The following TAFA2 variants were observed in gnomAD, a reference collection of about 807,000 sequenced individuals.
TAFA2 encodes chemokine-like protein TAFA-2.
A neutral mutation model predicts 18.8 loss-of-function variants in TAFA2; 7 were observed. The observed-to-expected ratio is 0.37, with a 90% confidence interval of 0.21 to 0.70. TAFA2 has a LOEUF of 0.70. Ranked by LOEUF, TAFA2 falls within the 30% of genes least tolerant of loss-of-function variation. The probability of loss-of-function intolerance (pLI) is 0.53; values close to 1 mark genes in which losing one functional copy is unlikely to be tolerated. For synonymous variants in TAFA2, 60 were observed against 54.2 expected (o/e 1.11, Z -0.47); for missense variants, 122 against 158.1 (o/e 0.77, Z 1.23).
At chr12:61,845,855 A>T (rs141373174) in intron 2 of TAFA2, among the ~76,000 whole-genome samples, 386 of 152,304 alleles carry the variant, frequency 2.5e-3, no homozygotes, top group Non-Finnish European at 3.6e-3. Flanking sequence ...GTGTCCAAAC[A>T]TACCATATGG....
intron 2 of TAFA2, among the ~76,000 whole-genome samples, chr12:61,788,467 T>C (rs546625054): frequency 2.0e-4 from 30 of 151,794 alleles, no homozygotes; most frequent in Middle Eastern, 3.4e-3. Context: ...ACAAAATAAA[T>C]CTTAATAAAT....
chr12:61,897,305 C>A (rs994001586), intron 1 of TAFA2, among the ~76,000 whole-genome samples: 7 of 152,094 alleles, frequency 4.6e-5, no homozygotes, highest in African/African-American at 1.4e-4. Context: ...ATACTATGTG[C>A]AATTTCCTGA....
chr12:62,115,465 T>C (rs761338617), intron 1 of TAFA2, among the ~76,000 whole-genome samples: 10 of 152,186 alleles, frequency 6.6e-5, no homozygotes, highest in African/African-American at 2.4e-4. Context: ...TTGTTAGCAG[T>C]GCACATCATG....
At position 61,777,409 on chromosome 12, in the gene TAFA2, T is replaced by C. The variant is rs372710209; in HGVS notation, c.107-22385A>G. Among the ~76,000 whole-genome samples, 5 of 151,858 alleles carry C rather than the reference T, an allele frequency of 3.3e-5. No homozygotes were observed. The East Asian group carries it at 7.8e-4, about 24-fold the overall frequency. ...GACAGTACTCAGTGATAACTGGCTA[T>C]TATTATTATCATTATTATAAATTCA... is the stretch of plus-strand genomic sequence containing the variant. On this transcript the variant is annotated intron_variant, in intron 2 of 4. Coordinates refer to ENST00000416284, the MANE Select transcript of TAFA2 (RefSeq NM_178539.5).
intron 1 of TAFA2, among the ~76,000 whole-genome samples, chr12:61,994,746 G>A (rs1037560328): frequency 5.3e-4 from 80 of 151,690 alleles, no homozygotes; most frequent in African/African-American, 1.9e-3. Context: ...ATCTCCCTTC[G>A]TTTCCGTATC....
chr12:62,133,490 A>C (rs2136897434), intron 1 of TAFA2, among the ~76,000 whole-genome samples: 1 of 150,324 alleles, frequency 6.7e-6, no homozygotes, highest in East Asian at 2.0e-4. Flanking sequence ...AAAGAACTAA[A>C]AGAAGGGTAG....
At chr12:61,899,919 C>T (rs1483914721) in intron 1 of TAFA2, among the ~76,000 whole-genome samples, 1 of 152,136 alleles carries the variant, frequency 6.6e-6, no homozygotes. Flanking sequence ...TAGGCAAATA[C>T]TACAGCCATT....
intron 1 of TAFA2, among the ~76,000 whole-genome samples, chr12:62,202,377 C>T (rs888199375): frequency 3.3e-5 from 5 of 151,348 alleles, no homozygotes; most frequent in East Asian, 3.9e-4. Context: ...GACAGAGTCT[C>T]GCTCTGTGGC....
At chr12:61,987,925 T>C (rs1010494017) in intron 1 of TAFA2, among the ~76,000 whole-genome samples, 1 of 152,206 alleles carries the variant, frequency 6.6e-6, no homozygotes, top group African/African-American at 2.4e-5. Flanking sequence ...ATAAATTTCT[T>C]GGAGGCTTAA....
At chr12:62,255,153 C>T (rs1175675724) in intron 1 of TAFA2, 1 of 152,132 alleles carries the variant, frequency 6.6e-6, no homozygotes, top group African/African-American at 2.4e-5. Flanking sequence ...AAAAGATCAG[C>T]ATATTTTTAA....
In TAFA2 at chr12:62,000,399, G is replaced by A. The variant is rs1418756916; in HGVS notation, c.-1-132973C>T. On this transcript the variant is annotated intron_variant, in intron 1 of 4. Coordinates refer to ENST00000416284, the MANE Select transcript of TAFA2 (RefSeq NM_178539.5). ...CTGTGAACTAGATTCCATACCAAAT[G>A]TTGGCAAGGATGTGGAGTACATGGA... 1.4e-5 allele frequency among the ~76,000 whole-genome samples: 2 copies of A among 146,296 alleles called. 1 individual carries two copies. The highest frequency in any genetic ancestry group is 4.9e-5 in the African/African-American group (2 of 40,644).
intron 1 of TAFA2, among the ~76,000 whole-genome samples, chr12:61,887,175 T>C (rs1875420627): frequency 6.6e-6 from 1 of 152,144 alleles, no homozygotes; most frequent in Non-Finnish European, 1.5e-5. Context: ...AAATTCACTG[T>C]TAATTCTTTC....
intron 1 of TAFA2, among the ~76,000 whole-genome samples, chr12:62,069,017 C>A (rs1882561237): frequency 6.6e-6 from 1 of 152,096 alleles, no homozygotes; most frequent in South Asian, 2.1e-4. Context: ...AAAGCATATC[C>A]TCTCTAGAAA....
At chr12:61,720,103 T>C (rs1281310997) in intron 4 of TAFA2, among the ~76,000 whole-genome samples, 1 of 152,096 alleles carries the variant, frequency 6.6e-6, no homozygotes, top group Non-Finnish European at 1.5e-5. Flanking sequence ...ACAACCATCA[T>C]AGTTCAGTAA....
chr12:62,126,930 A>C (rs1870485317), intron 1 of TAFA2, among the ~76,000 whole-genome samples: 1 of 152,104 alleles, frequency 6.6e-6, no homozygotes, highest in African/African-American at 2.4e-5. Context: ...AATACACATA[A>C]GACATGATAT....
intron 1 of TAFA2, among the ~76,000 whole-genome samples, chr12:62,019,231 T>G (rs1243161184): frequency 1.3e-5 from 2 of 152,152 alleles, no homozygotes; most frequent in Non-Finnish European, 2.9e-5. Flanking sequence ...TTGGTGGGAC[T>G]GTAAACTAGT....
At chr12:62,201,327 G>T (rs538159074) in intron 1 of TAFA2, among the ~76,000 whole-genome samples, 2 of 152,224 alleles carry the variant, frequency 1.3e-5, no homozygotes, top group Admixed American at 1.3e-4. Flanking sequence ...TGGTTAAAAG[G>T]AATGCTCCCA....
intron 1 of TAFA2, among the ~76,000 whole-genome samples, chr12:62,112,372 A>C (rs946739515): frequency 1.3e-5 from 2 of 151,980 alleles, no homozygotes; most frequent in Non-Finnish European, 2.9e-5. Flanking sequence ...AGTCTGATGG[A>C]CTTCCCTTTG....
At chr12:61,933,169 C>T (rs1265354672) in intron 1 of TAFA2, among the ~76,000 whole-genome samples, 1 of 152,122 alleles carries the variant, frequency 6.6e-6, no homozygotes, top group Non-Finnish European at 1.5e-5. Flanking sequence ...GAATGTGTCT[C>T]ATTTCTAGAT....
Sources: allele counts gnomAD v4.1 joint callset (sites outside exome capture counted in the v4.1 genomes callset), GRCh38; gene constraint gnomAD v4.1.1; transcripts MANE v1.5; gene names NCBI Gene and HGNC (gene_info 2026-07-23, HGNC 2026-07-21).